SLC26A4: variants seen among roughly 807,000 people sequenced by gnomAD.
The protein encoded by SLC26A4 is pendrin.
SLC26A4 carries 93 observed loss-of-function variants against 90.4 expected under a neutral mutation model. The ratio of observed to expected loss-of-function variants is 1.03; its 90% CI spans 0.87 to 1.22. The LOEUF is 1.22. SLC26A4 is among the 50% of genes most tolerant of loss of function. The pLI is 0.00. For missense variants in SLC26A4, 1,127 were observed against 946.2 expected (o/e 1.19, Z -2.51); for synonymous variants, 393 against 354.6 (o/e 1.11, Z -1.22).
chr7:107,663,275 A>G, intron 2 of SLC26A4, 21 bp from the exon 3 acceptor site: 1 of 1,614,148 alleles, frequency 6.2e-7, no homozygotes, highest in Middle Eastern at 1.6e-4. Context: ...TTGAAAACCC[A>G]GTTTTCTTGC....
chr7:107,695,073 C>G (rs533494155), intron 12 of SLC26A4, among the ~76,000 whole-genome samples: 1 of 152,174 alleles, frequency 6.6e-6, no homozygotes, highest in Non-Finnish European at 1.5e-5. Flanking sequence ...TAAAAACCCA[C>G]GCTGACTTTA....
At chr7:107,670,100 A>G (rs1395686224) in intron 3 of SLC26A4, among the ~76,000 whole-genome samples, 1 of 141,914 alleles carries the variant, frequency 7.0e-6, no homozygotes, top group Non-Finnish European at 1.5e-5. Context: ...ATTTTATTCA[A>G]AATACCTCCA....
intron 19 of SLC26A4, among the ~76,000 whole-genome samples, chr7:107,711,765 G>T (rs1792196328): frequency 6.6e-6 from 1 of 152,088 alleles, no homozygotes; most frequent in African/African-American, 2.4e-5. Context: ...TACCATCACA[G>T]GACTATCTCA....
chr7:107,667,995 G>T (rs1192220638), intron 3 of SLC26A4, among the ~76,000 whole-genome samples: 1 of 152,106 alleles, frequency 6.6e-6, no homozygotes, highest in African/African-American at 2.4e-5. Flanking sequence ...GGTTTGAATA[G>T]TTGTCTCAAG....
In SLC26A4 at chr7:107,672,209, A is replaced by C; in HGVS notation, c.376A>C (p.Thr126Pro). Reference sequence around the variant, plus strand: ...CTACTCTGCTTTTTTCCCTATCCTGACATACTTTATCTTTGGAACATCAAG... The same window carrying C: ...CTACTCTGCTTTTTTCCCTATCCTGCCATACTTTATCTTTGGAACATCAAG... ...GLYSAFFPIL[T>P]YFIFGTSRHI... The change falls in exon 4 of 21, where the codon ACA (threonine) becomes CCA (proline). Residue 126 changes from threonine (T) to proline (P), a missense_variant. Transcript: ENST00000644269. The C allele has an allele frequency of 6.2e-7, 1 of 1,611,220 alleles. No homozygotes were observed.
At chr7:107,677,608 A>AT (rs770690458) in intron 6 of SLC26A4, among the ~76,000 whole-genome samples, 3,925 of 143,316 alleles carry the variant, frequency 0.027, 156 homozygotes, top group African/African-American at 0.085. Context: ...TTAAAAAAGA[A>AT]TTTTTTTTTT....
chr7:107,661,432 C>G lies in SLC26A4; in HGVS notation c.-3-207C>G. 1.6e-6 allele frequency: 1 copy of G among 620,416 alleles called. No homozygotes were observed. The highest frequency in any genetic ancestry group is 2.8e-5 in the East Asian group (1 of 36,226). 38.4% of individuals were successfully genotyped at this position (620,416 alleles called of 1,614,324 possible). ...GTGCAGGCCACGAGACCCGAAGGTTCTCAGGTGCCCCCCTGCAGGCTGGCC... is the reference window on the plus strand; with the variant it reads ...GTGCAGGCCACGAGACCCGAAGGTTGTCAGGTGCCCCCCTGCAGGCTGGCC... On this transcript the variant is annotated intron_variant, in intron 1 of 20. Transcript: ENST00000644269. This position sits in a 1 kb window ranked among gnomAD's most constrained non-coding sequence, Gnocchi z 5.1.
intron 6 of SLC26A4, among the ~76,000 whole-genome samples, chr7:107,682,235 G>A (rs184461008): frequency 4.0e-5 from 6 of 150,034 alleles, no homozygotes; most frequent in East Asian, 3.9e-4. Flanking sequence ...GTTAAATGAC[G>A]AGTTAATGGG....
At chr7:107,712,926 G>A (rs1792232713) in intron 20 of SLC26A4, among the ~76,000 whole-genome samples, 1 of 152,124 alleles carries the variant, frequency 6.6e-6, no homozygotes, top group African/African-American at 2.4e-5. Flanking sequence ...AGGCCATGGG[G>A]TAGGAAAAAA....
At chr7:107,673,476 G>A (rs1399241540) in intron 4 of SLC26A4, among the ~76,000 whole-genome samples, 1 of 151,840 alleles carries the variant, frequency 6.6e-6, no homozygotes, top group Non-Finnish European at 1.5e-5. Flanking sequence ...GGAAATTAAT[G>A]AGATTATATG....
intron 2 of SLC26A4, 107 bp from the exon 3 acceptor site, chr7:107,663,189 T>C (rs556571994): frequency 8.0e-7 from 1 of 1,251,832 alleles, no homozygotes; most frequent in Admixed American, 1.7e-5. Context: ...TTATCCTTTT[T>C]CCAAATAGTT....
chr7:107,715,066 TAA>T (rs543905042), intron 20 of SLC26A4, among the ~76,000 whole-genome samples: 22 of 98,624 alleles, frequency 2.2e-4, no homozygotes, highest in Admixed American at 3.6e-4. Context: ...CCATCTCTAC[TAA>T]AAAAAAAAAA....
At chr7:107,667,763 G>A (rs1324788402) in intron 3 of SLC26A4, among the ~76,000 whole-genome samples, 1 of 152,116 alleles carries the variant, frequency 6.6e-6, no homozygotes. Context: ...AGGGGTTTGA[G>A]AATGGAACTA....
At chr7:107,676,453 A>G (rs538627725) in intron 6 of SLC26A4, among the ~76,000 whole-genome samples, 2 of 152,246 alleles carry the variant, frequency 1.3e-5, no homozygotes, top group Admixed American at 6.5e-5. Flanking sequence ...AGATTCAGAG[A>G]TGATTCACCA....
intron 18 of SLC26A4, among the ~76,000 whole-genome samples, chr7:107,705,465 G>C (rs1336985168): frequency 6.6e-6 from 1 of 152,158 alleles, no homozygotes. Flanking sequence ...CCTTAGCCAG[G>C]ATTCTCATGA....
chr7:107,713,388 T>C (rs1304714323), intron 20 of SLC26A4, among the ~76,000 whole-genome samples: 1 of 152,226 alleles, frequency 6.6e-6, no homozygotes, highest in Non-Finnish European at 1.5e-5. Context: ...TACTTGTGCT[T>C]ACAGAACTCA....
intron 20 of SLC26A4, among the ~76,000 whole-genome samples, chr7:107,714,625 C>T (rs1019868934): frequency 7.2e-5 from 11 of 151,982 alleles, no homozygotes; most frequent in Admixed American, 6.6e-5. Flanking sequence ...TTGGTTGCCA[C>T]GTAAAATAAT....
chr7:107,661,807 T>C lies in SLC26A4; in HGVS notation c.164+2T>C, dbSNP rs397516420. 7.2e-6 allele frequency: 11 copies of C among 1,535,336 alleles called. No homozygotes were observed. Among genetic ancestry groups the C allele is most frequent in the African/African-American group, 1.4e-5 (1 of 73,064 alleles). On this transcript the variant is annotated splice_donor_variant, in intron 2 of 20. Transcript: ENST00000644269. LOFTEE classifies it high-confidence loss of function. The surrounding 1 kb of genome is among the most constrained non-coding windows in gnomAD (Gnocchi z 5.1). ...GGAGAGCCTGGCCAAGTGCTGCAGG[T>C]AGCGGCCGCGCGGGCCTGCGTAGAG... is the stretch of plus-strand genomic sequence containing the variant.
chr7:107,701,079 A>C, intron 15 of SLC26A4, 22 bp from the exon 16 acceptor site: 1 of 1,440,860 alleles, frequency 6.9e-7, no homozygotes, highest in Non-Finnish European at 9.8e-7. Context: ...CATTTTAAGT[A>C]ACTTGACATT....
Sources: gnomAD v4.1 joint callset for allele counts (sites outside exome capture counted in the v4.1 genomes callset) on GRCh38, gnomAD v4.1.1 for gene constraint, Gnocchi (gnomAD v3.1) non-coding constraint, MANE v1.5 for transcripts, NCBI Gene and HGNC (gene_info 2026-07-23, HGNC 2026-07-21) for gene names.